The following DOCK4 variants were observed in gnomAD, a reference collection of about 807,000 sequenced individuals.
DOCK4 encodes dedicator of cytokinesis protein 4.
Under a neutral mutation model 268.1 loss-of-function variants are expected in DOCK4, and 97 were observed. That is an observed-to-expected ratio of 0.36 (90% CI 0.31 to 0.43). The LOEUF is 0.43. Ranked by LOEUF, DOCK4 falls within the 20% of genes least tolerant of loss-of-function variation. The pLI is 1.00. For synonymous variants in DOCK4, 954 were observed against 887.2 expected (o/e 1.08, Z -1.34); for missense variants, 2,145 against 2,455.7 (o/e 0.87, Z 2.67).
At chr7:111,923,740 T>C (rs1793353464) in intron 12 of DOCK4, among the ~76,000 whole-genome samples, 1 of 152,230 alleles carries the variant, frequency 6.6e-6, no homozygotes, top group Non-Finnish European at 1.5e-5. Context: ...GAATTCCTAC[T>C]AGATGTATGC....
intron 1 of DOCK4, among the ~76,000 whole-genome samples, chr7:112,125,095 C>T (rs1813090515): frequency 6.6e-6 from 1 of 152,164 alleles, no homozygotes; most frequent in South Asian, 2.1e-4. Context: ...ACAGCTTCAC[C>T]AAATTTGAAA....
intron 22 of DOCK4, among the ~76,000 whole-genome samples, chr7:111,865,127 GTCT>G (rs904096887): frequency 6.6e-6 from 1 of 152,206 alleles, no homozygotes; most frequent in Non-Finnish European, 1.5e-5. Flanking sequence ...ATTGGGAATT[GTCT>G]AGCAGGGTTT....
chr7:111,814,371 C>T (rs147235120), intron 27 of DOCK4, among the ~76,000 whole-genome samples: 40 of 152,258 alleles, frequency 2.6e-4, no homozygotes, highest in African/African-American at 9.1e-4. Flanking sequence ...AAATACAATG[C>T]TGGGTCACAT....
At chr7:111,886,984 T>A (rs1352929181) in intron 16 of DOCK4, among the ~76,000 whole-genome samples, 6 of 152,188 alleles carry the variant, frequency 3.9e-5, no homozygotes, top group Non-Finnish European at 8.8e-5. Context: ...TATACATAGT[T>A]AAGTATGTCT....
chr7:111,740,983 G>T, intron 47 of DOCK4, 111 bp downstream of exon 47: 1 of 1,337,552 alleles, frequency 7.5e-7, no homozygotes, highest in Non-Finnish European at 1.0e-6. Context: ...TTGTCCTTAA[G>T]CCAAGTTCTT....
intron 17 of DOCK4, among the ~76,000 whole-genome samples, chr7:111,875,673 G>A (rs1806795910): frequency 6.6e-6 from 1 of 152,216 alleles, no homozygotes; most frequent in Non-Finnish European, 1.5e-5. Context: ...TTTGAAGATG[G>A]AGGAAGGGGC....
chr7:111,849,161 G>A (rs558532904), intron 23 of DOCK4, among the ~76,000 whole-genome samples: 2 of 151,882 alleles, frequency 1.3e-5, no homozygotes, highest in South Asian at 4.2e-4. Flanking sequence ...GAGTTTTGCC[G>A]AATTCTTTGT....
chr7:111,775,301 G>A (rs1405102419), intron 36 of DOCK4, among the ~76,000 whole-genome samples: 1 of 152,150 alleles, frequency 6.6e-6, no homozygotes, highest in Non-Finnish European at 1.5e-5. Flanking sequence ...AGTTGGGGAG[G>A]AGCCATGATT....
Position 111,728,727 on chromosome 7 carries a change from C to T in DOCK4, c.5482-7G>A. The T allele has an allele frequency of 1.3e-6, 2 of 1,599,320 alleles. No individual in the cohort carries two copies. The highest frequency in any genetic ancestry group is 1.1e-5 in the South Asian group (1 of 89,598). Reference sequence around the variant, plus strand: ...TGAAAGACTGCACAGAGCCCTGCTCCGGGGAGAAGGAAACGAGAGGGAGAC... The same window carrying T: ...TGAAAGACTGCACAGAGCCCTGCTCTGGGGAGAAGGAAACGAGAGGGAGAC... On this transcript the variant is annotated splice_region_variant and splice_polypyrimidine_tract_variant and intron_variant, in intron 52 of 52. Transcript: ENST00000428084.
At chr7:111,813,771 A>G (rs559586297) in intron 27 of DOCK4, among the ~76,000 whole-genome samples, 4 of 152,338 alleles carry the variant, frequency 2.6e-5, no homozygotes, top group South Asian at 2.1e-4. Context: ...GGAAAAATCA[A>G]TGATAACTGA....
At chr7:112,178,941 G>C (rs1195156320) in intron 1 of DOCK4, among the ~76,000 whole-genome samples, 1 of 152,124 alleles carries the variant, frequency 6.6e-6, no homozygotes, top group African/African-American at 2.4e-5. Context: ...TATTACAAAG[G>C]TTTCCTGAAA....
intron 8 of DOCK4, among the ~76,000 whole-genome samples, chr7:111,976,161 A>AATATAT (rs1554400642): frequency 1.2e-4 from 4 of 34,012 alleles, no homozygotes; most frequent in Non-Finnish European, 1.9e-4. Flanking sequence ...AAAAAAAAAA[A>AATATAT]ATATATATAT....
Position 111,850,942 on chromosome 7 carries a change from A to C in DOCK4, c.2474-3816T>G, listed in dbSNP as rs147446789. Reference sequence around the variant, plus strand: ...GACGCGTGTAACACTTACCATCCTCAGCAAATGTCATTAATTATTTTTTAC... The same window carrying C: ...GACGCGTGTAACACTTACCATCCTCCGCAAATGTCATTAATTATTTTTTAC... On this transcript the variant is annotated intron_variant, in intron 23 of 52. Transcript: ENST00000428084. Among the ~76,000 whole-genome samples, 431 of 152,314 alleles carry C rather than the reference A, an allele frequency of 2.8e-3. 3 individuals are homozygous for C. The highest frequency in any genetic ancestry group is 0.021 in the East Asian group (109 of 5,174).
intron 17 of DOCK4, among the ~76,000 whole-genome samples, chr7:111,876,104 C>A (rs1447233723): frequency 6.6e-6 from 1 of 152,132 alleles, no homozygotes; most frequent in Non-Finnish European, 1.5e-5. Context: ...GCTTTATAAT[C>A]ATTTATTGAG....
intron 13 of DOCK4, among the ~76,000 whole-genome samples, chr7:111,906,919 T>C (rs1407200143): frequency 6.6e-6 from 1 of 152,196 alleles, no homozygotes; most frequent in Non-Finnish European, 1.5e-5. Context: ...GCTCATCCTC[T>C]GACCTCCAGA....
chr7:112,152,328 T>C (rs1816170486), intron 1 of DOCK4, among the ~76,000 whole-genome samples: 1 of 152,144 alleles, frequency 6.6e-6, no homozygotes, highest in Non-Finnish European at 1.5e-5. Flanking sequence ...ACAAACAGAC[T>C]TAATATTCTT....
chr7:112,135,391 A>G (rs1814229780), intron 1 of DOCK4, among the ~76,000 whole-genome samples: 1 of 151,242 alleles, frequency 6.6e-6, no homozygotes, highest in Admixed American at 6.6e-5. Flanking sequence ...CTGATGCAGT[A>G]CCATACACAC....
intron 1 of DOCK4, among the ~76,000 whole-genome samples, chr7:112,074,197 G>A (rs1807856751): frequency 1.3e-5 from 2 of 152,156 alleles, no homozygotes; most frequent in Admixed American, 1.3e-4. Context: ...TAAATATCAT[G>A]TATTATAAAC....
chr7:112,042,757 G>A (rs1468119044), intron 1 of DOCK4, among the ~76,000 whole-genome samples: 2 of 152,174 alleles, frequency 1.3e-5, no homozygotes, highest in Non-Finnish European at 2.9e-5. Context: ...TGTCTCCTCT[G>A]AAACTCATGT....
Sources: allele counts gnomAD v4.1 joint callset (sites outside exome capture counted in the v4.1 genomes callset), GRCh38; gene constraint gnomAD v4.1.1; transcripts MANE v1.5; gene names NCBI Gene and HGNC (gene_info 2026-07-23, HGNC 2026-07-21).